Variants in IL26 observed in about 807,000 individuals in gnomAD.
IL26 encodes interleukin-26.
IL26 carries 23 observed loss-of-function variants against 21.7 expected under a neutral mutation model. That is an observed-to-expected ratio of 1.06 (90% CI 0.76 to 1.50). The LOEUF (loss-of-function observed/expected upper bound fraction) is 1.50. Among genes scored for constraint, IL26 ranks in the 40% most tolerant of loss-of-function variants. The pLI, the probability that IL26 is intolerant of heterozygous loss-of-function variation, is 0.00. For synonymous variants in IL26, 63 were observed against 67.8 expected (o/e 0.93, Z 0.34); for missense variants, 204 against 196.0 (o/e 1.04, Z -0.24).
chr12:68,225,295 A>G lies in IL26; in HGVS notation c.229-12T>C. 1.9e-6 allele frequency: 3 copies of G among 1,602,786 alleles called. No individual in the cohort carries two copies. The highest frequency in any genetic ancestry group is 1.7e-6 in the Non-Finnish European group (2 of 1,174,660). ...AATTGACAGTTTTTCTAAAAATAAG[A>G]TACAAGAAATTGCATATGGTAAATT... On this transcript the variant is annotated splice_polypyrimidine_tract_variant and intron_variant, in intron 2 of 4. Transcript: ENST00000229134.
At chr12:68,214,990 T>G (rs936342488) in intron 3 of IL26, among the ~76,000 whole-genome samples, 1 of 152,160 alleles carries the variant, frequency 6.6e-6, no homozygotes, top group African/African-American at 2.4e-5. Context: ...TTGCTCTTAA[T>G]TTTTAGTGCA....
intron 2 of IL26, 45 bp from the exon 3 acceptor site, chr12:68,225,328 G>A (rs373988454): frequency 7.1e-5 from 112 of 1,573,528 alleles, no homozygotes; most frequent in Non-Finnish European, 8.3e-5. Flanking sequence ...ATTATGAATC[G>A]TTTTTTAATG....
chr12:68,201,919 C>T lies in IL26; in HGVS notation c.442G>A (p.Gly148Arg). 1.9e-6 allele frequency: 3 copies of T among 1,598,748 alleles called. No individual in the cohort carries two copies. The highest frequency in any genetic ancestry group is 2.6e-6 in the Non-Finnish European group (3 of 1,175,008). ...KRIFYRIGNK[G>R]IYKAISELDI... ...AGTTCACTGATGGCTTTGTAGATTC[C>T]TTTGTTTCCAATCTGCAGATAAAGT... The change falls in exon 5 of 5, where the codon GGA becomes AGA. Residue 148 changes from glycine to arginine, a missense_variant. Physicochemically the swap from Gly to Arg is moderately radical, Grantham distance 125. Transcript: ENST00000229134.
intron 3 of IL26, among the ~76,000 whole-genome samples, chr12:68,202,606 T>C (rs1425143157): frequency 6.6e-6 from 1 of 152,158 alleles, no homozygotes; most frequent in Non-Finnish European, 1.5e-5. Flanking sequence ...GCCATACTTT[T>C]AAACCATCAG....
chr12:68,216,413 T>C (rs1868881926), intron 3 of IL26, among the ~76,000 whole-genome samples: 1 of 152,176 alleles, frequency 6.6e-6, no homozygotes, highest in African/African-American at 2.4e-5. Flanking sequence ...GTTGAGAAAA[T>C]GTAATTGGAA....
chr12:68,223,163 A>G (rs570253539), intron 3 of IL26, among the ~76,000 whole-genome samples: 1 of 152,164 alleles, frequency 6.6e-6, no homozygotes, highest in African/African-American at 2.4e-5. Context: ...TTCACGGGGG[A>G]GCTTGCTTTA....
intron 3 of IL26, among the ~76,000 whole-genome samples, chr12:68,220,459 A>G (rs1247982698): frequency 1.3e-5 from 2 of 152,240 alleles, no homozygotes; most frequent in Non-Finnish European, 2.9e-5. Context: ...TCCTGTCAAT[A>G]GATGTGTTAA....
chr12:68,224,048 C>T (rs12813085), intron 3 of IL26, among the ~76,000 whole-genome samples: 14,496 of 146,972 alleles, frequency 0.099, 977 homozygotes, highest in East Asian at 0.35. Flanking sequence ...CACCCCCCCC[C>T]TCTAATGGCC....
chr12:68,212,364 G>A (rs1868757876), intron 3 of IL26, among the ~76,000 whole-genome samples: 1 of 151,930 alleles, frequency 6.6e-6, no homozygotes. Context: ...TGGCTTTTGG[G>A]GGGTCTTTTG....
At position 68,205,414 on chromosome 12, in the gene IL26, GAGATAGAT is replaced by G. The variant is rs778364980; in HGVS notation, c.364-3339_364-3332del. ...ATTAATCAATTAACACATATTTTGT[GAGATAGAT>G]AGATAGATTGTATTTTTATAATGAA... On this transcript the variant is annotated intron_variant, in intron 3 of 4. Transcript: ENST00000229134. Among the ~76,000 whole-genome samples, 4 of 151,708 alleles carry G rather than the reference GAGATAGAT, an allele frequency of 2.6e-5. No homozygotes were observed. In the Middle Eastern group the frequency reaches 0.014, roughly 516 times the overall value.
intron 3 of IL26, among the ~76,000 whole-genome samples, chr12:68,221,726 G>C (rs568854026): frequency 5.5e-4 from 84 of 152,320 alleles, no homozygotes; most frequent in Admixed American, 4.6e-4. Flanking sequence ...GGTTATACCA[G>C]AGTTCATCTT....
intron 3 of IL26, among the ~76,000 whole-genome samples, chr12:68,222,827 G>A (rs774716797): frequency 6.6e-6 from 1 of 152,104 alleles, no homozygotes; most frequent in Non-Finnish European, 1.5e-5. Context: ...AATACGGCAA[G>A]TATAATTAGT....
chr12:68,204,687 TA>T (rs112997718), intron 3 of IL26, among the ~76,000 whole-genome samples: 10,864 of 147,548 alleles, frequency 0.074, 654 homozygotes, highest in East Asian at 0.33. Flanking sequence ...ACTGTTCAAT[TA>T]AAAAAAAAAA....
intron 3 of IL26, among the ~76,000 whole-genome samples, chr12:68,223,884 G>GTTTTTTTTTTTT (rs376115904): frequency 2.3e-5 from 3 of 132,270 alleles, no homozygotes; most frequent in Admixed American, 7.9e-5. Context: ...AAATTTGGTG[G>GTTTTTTTTTTTT]TTTTTTTTTT....
chr12:68,203,007 A>G (rs974293305), intron 3 of IL26, among the ~76,000 whole-genome samples: 1 of 152,228 alleles, frequency 6.6e-6, no homozygotes, highest in Non-Finnish European at 1.5e-5. Flanking sequence ...ACAAGAAAAA[A>G]AAATTACCTT....
At chr12:68,210,188 T>C (rs1868670236) in intron 3 of IL26, among the ~76,000 whole-genome samples, 1 of 151,680 alleles carries the variant, frequency 6.6e-6, no homozygotes, top group Non-Finnish European at 1.5e-5. Flanking sequence ...AGATACAGAC[T>C]CTTAAGCAGA....
At chr12:68,221,455 C>T (rs1869042764) in intron 3 of IL26, among the ~76,000 whole-genome samples, 1 of 152,076 alleles carries the variant, frequency 6.6e-6, no homozygotes, top group East Asian at 1.9e-4. Flanking sequence ...CACAATGTTG[C>T]CTATGAACAG....
Position 68,201,386 on chromosome 12 carries a change from G to A in IL26, c.*459C>T, listed in dbSNP as rs1248688532. 1 of 152,900 alleles carries A rather than the reference G, an allele frequency of 6.5e-6. No homozygotes were observed. The highest frequency in any genetic ancestry group is 2.4e-5 in the African/African-American group (1 of 41,454). The allele number at this position is 152,900 out of a possible 1,614,324, so 9.5% of individuals were successfully genotyped here. A position where few individuals can be genotyped will look rare whatever the true frequency, so the allele number is the denominator to read the frequency against. On this transcript the variant is annotated 3_prime_UTR_variant, in exon 5 of 5. Transcript: ENST00000229134. Reference sequence around the variant, plus strand: ...CAATTTATTTAATTAAAATCAAAATGTGTTAAGTACTAAGTTCACACTGGG... The same window carrying A: ...CAATTTATTTAATTAAAATCAAAATATGTTAAGTACTAAGTTCACACTGGG...
chr12:68,203,555 G>A (rs1014633121), intron 3 of IL26, among the ~76,000 whole-genome samples: 1 of 152,150 alleles, frequency 6.6e-6, no homozygotes, highest in African/African-American at 2.4e-5. Context: ...AAACGGAAGT[G>A]GGTAAATGAT....
Sources: gnomAD v4.1 joint callset for allele counts (sites outside exome capture counted in the v4.1 genomes callset) on GRCh38, gnomAD v4.1.1 for gene constraint, MANE v1.5 for transcripts, NCBI Gene and HGNC (gene_info 2026-07-23, HGNC 2026-07-21) for gene names.